Variants in ASIC2 observed in about 807,000 individuals in gnomAD.
ASIC2 encodes the protein acid-sensing ion channel 2.
In ASIC2, 25 loss-of-function variants were observed where a neutral mutation model predicts 57.3. That is an observed-to-expected ratio of 0.44 (90% confidence interval 0.32 to 0.61). The LOEUF (loss-of-function observed/expected upper bound fraction) is 0.61. ASIC2 is among the 20% of genes least tolerant of loss of function. The probability of loss-of-function intolerance (pLI) is 0.06; values close to 1 mark genes in which losing one functional copy is unlikely to be tolerated. For synonymous variants in ASIC2, 319 were observed against 307.5 expected (o/e 1.04, Z -0.39); for missense variants, 641 against 738.1 (o/e 0.87, Z 1.52).
chr17:33,351,101 A>T (rs1317307668), intron 1 of ASIC2, among the ~76,000 whole-genome samples: 1 of 152,190 alleles, frequency 6.6e-6, no homozygotes, highest in South Asian at 2.1e-4. Context: ...TGCTTATCAA[A>T]TATGTGACTT....
intron 1 of ASIC2, among the ~76,000 whole-genome samples, chr17:33,731,253 T>G (rs1909732527): frequency 6.6e-6 from 1 of 152,196 alleles, no homozygotes. Context: ...AGGTGTTTTT[T>G]GGGAAGTAGA....
In ASIC2 at chr17:33,235,014, C is replaced by T. The variant is rs535877508; in HGVS notation, c.708+56394G>A. On this transcript the variant is annotated intron_variant, in intron 1 of 9. Coordinates refer to ENST00000225823, the MANE Select transcript of ASIC2 (RefSeq NM_183377.2). ...CTTTCTGGTCTTCTCCTGCTTCCTT[C>T]GCTCCCTCTCTCCCACAGGCATGTG... Among the ~76,000 whole-genome samples the T allele has an allele frequency of 3.3e-5, 5 of 152,320 alleles. No homozygotes were observed. The East Asian group carries it at 5.8e-4, about 18-fold the overall frequency.
chr17:33,911,590 G>A (rs1033142645), intron 1 of ASIC2, among the ~76,000 whole-genome samples: 4 of 152,184 alleles, frequency 2.6e-5, no homozygotes, highest in African/African-American at 9.7e-5. Context: ...AGAGGCTGAG[G>A]AATGTGATCT....
intron 1 of ASIC2, among the ~76,000 whole-genome samples, chr17:33,330,564 C>A (rs752700089): frequency 2.0e-5 from 3 of 152,154 alleles, no homozygotes; most frequent in Non-Finnish European, 4.4e-5. Flanking sequence ...CATTATTGGA[C>A]CAGACCACAC....
intron 1 of ASIC2, among the ~76,000 whole-genome samples, chr17:34,035,034 A>C (rs1255525462): frequency 6.6e-6 from 1 of 151,174 alleles, no homozygotes; most frequent in African/African-American, 2.5e-5. Context: ...TATGGAACCA[A>C]AAAAGAGCCT....
intron 3 of ASIC2, among the ~76,000 whole-genome samples, chr17:33,058,757 A>T (rs2092008801): frequency 6.6e-6 from 1 of 152,146 alleles, no homozygotes. Flanking sequence ...TGATGCAGTC[A>T]TCTCACCTTT....
At chr17:33,156,481 G>T (rs546875561) in intron 1 of ASIC2, among the ~76,000 whole-genome samples, 1 of 152,048 alleles carries the variant, frequency 6.6e-6, no homozygotes, top group Non-Finnish European at 1.5e-5. Flanking sequence ...ATGCTGGCTC[G>T]GTGTGGTGGC....
chr17:33,722,790 A>G (rs1909429017), intron 1 of ASIC2, among the ~76,000 whole-genome samples: 1 of 152,190 alleles, frequency 6.6e-6, no homozygotes, highest in African/African-American at 2.4e-5. Context: ...CAACAAAAAA[A>G]AGATATCCAA....
At chr17:33,757,600 C>A (rs558893643) in intron 1 of ASIC2, among the ~76,000 whole-genome samples, 4 of 152,298 alleles carry the variant, frequency 2.6e-5, no homozygotes, top group Admixed American at 6.5e-5. Flanking sequence ...TCTCAGCTGA[C>A]CCCACAACAA....
At chr17:33,913,340 TA>T (rs1175384867) in intron 1 of ASIC2, among the ~76,000 whole-genome samples, 1 of 152,194 alleles carries the variant, frequency 6.6e-6, no homozygotes, top group East Asian at 1.9e-4. Context: ...CAAAATGGCC[TA>T]ATAGTGAAAT....
chr17:33,667,794 G>T (rs1020743794), intron 1 of ASIC2, among the ~76,000 whole-genome samples: 1 of 152,138 alleles, frequency 6.6e-6, no homozygotes, highest in African/African-American at 2.4e-5. Flanking sequence ...AAATCTAGTC[G>T]TCAGAAGGTC....
At chr17:33,182,318 G>A (rs1906019062) in intron 1 of ASIC2, among the ~76,000 whole-genome samples, 1 of 152,118 alleles carries the variant, frequency 6.6e-6, no homozygotes, top group Non-Finnish European at 1.5e-5. Flanking sequence ...GAAAGCTGGG[G>A]TTGCTACTGA....
intron 1 of ASIC2, among the ~76,000 whole-genome samples, chr17:33,399,409 T>A (rs558513909): frequency 2.6e-4 from 39 of 152,148 alleles, no homozygotes; most frequent in Non-Finnish European, 4.3e-4. Context: ...GGCTTGTCCT[T>A]GCAATTCCCA....
chr17:33,930,067 A>G (rs1915899258), intron 1 of ASIC2, among the ~76,000 whole-genome samples: 1 of 152,214 alleles, frequency 6.6e-6, no homozygotes, highest in African/African-American at 2.4e-5. Context: ...ACAATTGTTC[A>G]GGTTAGTAAA....
intron 1 of ASIC2, among the ~76,000 whole-genome samples, chr17:33,413,903 T>C (rs546226552): frequency 6.6e-6 from 1 of 152,322 alleles, no homozygotes; most frequent in Admixed American, 6.5e-5. Flanking sequence ...CTCCCTGGCA[T>C]GCAAGCTCTG....
At chr17:33,777,976 T>G (rs1911334906) in intron 1 of ASIC2, among the ~76,000 whole-genome samples, 2 of 152,148 alleles carry the variant, frequency 1.3e-5, no homozygotes, top group Admixed American at 1.3e-4. Flanking sequence ...ATGGGCTGTG[T>G]GTCAATGTGG....
intron 3 of ASIC2, among the ~76,000 whole-genome samples, chr17:33,061,709 A>G (rs192296454): frequency 3.9e-4 from 60 of 152,156 alleles, no homozygotes; most frequent in Admixed American, 3.3e-3. Context: ...CTCTTTTTCT[A>G]TTGATTGGAA....
chr17:33,127,502 CT>C (rs951320234), intron 1 of ASIC2, among the ~76,000 whole-genome samples: 14 of 152,186 alleles, frequency 9.2e-5, no homozygotes, highest in Admixed American at 8.5e-4. Flanking sequence ...CCTTGAGACT[CT>C]TCAGGGTGGT....
At chr17:33,629,237 C>G (rs1373323373) in intron 1 of ASIC2, among the ~76,000 whole-genome samples, 1 of 144,982 alleles carries the variant, frequency 6.9e-6, no homozygotes, top group African/African-American at 2.5e-5. Flanking sequence ...TCTCTGCCAG[C>G]TTTTCTTCCA....
Sources: allele counts gnomAD v4.1 joint callset (sites outside exome capture counted in the v4.1 genomes callset), GRCh38; gene constraint gnomAD v4.1.1; transcripts MANE v1.5; gene names NCBI Gene and HGNC (gene_info 2026-07-23, HGNC 2026-07-21).